Variants in TENM3 observed in about 807,000 individuals in gnomAD.
TENM3 encodes teneurin transmembrane protein 3.
Under a neutral mutation model 255.1 loss-of-function variants are expected in TENM3, and 63 were observed. That is an observed-to-expected ratio of 0.25 (90% confidence interval 0.20 to 0.30). TENM3 has a LOEUF of 0.30. Among genes scored for constraint, TENM3 ranks in the 10% least tolerant of loss-of-function variants. The pLI is 1.00. For missense variants in TENM3, 2,929 were observed against 3,461.1 expected (o/e 0.85, Z 3.86); for synonymous variants, 1,306 against 1,322.3 (o/e 0.99, Z 0.27).
intron 1 of TENM3, among the ~76,000 whole-genome samples, chr4:182,198,084 G>A (rs562284905): frequency 2.0e-5 from 3 of 151,832 alleles, no homozygotes; most frequent in Non-Finnish European, 4.4e-5. Flanking sequence ...CAGCCTGGGC[G>A]ACAGAGTGAG....
intron 1 of TENM3, among the ~76,000 whole-genome samples, chr4:182,234,302 C>G (rs1756761342): frequency 6.6e-6 from 1 of 152,156 alleles, no homozygotes; most frequent in African/African-American, 2.4e-5. Flanking sequence ...ACGGTTCTCT[C>G]CTTAATCACG....
At chr4:181,506,701 G>T in the TENM3 span, among the ~76,000 whole-genome samples, 1 of 151,716 alleles carries the variant, frequency 6.6e-6, no homozygotes, top group Non-Finnish European at 1.5e-5. Context: ...CCATGATGAG[G>T]ACAACTCTAA....
chr4:181,526,498 CAGGAGT>C, the TENM3 span, among the ~76,000 whole-genome samples: 3 of 152,132 alleles, frequency 2.0e-5, no homozygotes, highest in African/African-American at 7.2e-5. Context: ...CTCAGCCAAA[CAGGAGT>C]AGGAGTAGGT....
At chr4:182,717,659 G>C (rs1022128382) in intron 13 of TENM3, among the ~76,000 whole-genome samples, 1 of 152,196 alleles carries the variant, frequency 6.6e-6, no homozygotes, top group Non-Finnish European at 1.5e-5. Context: ...CACTGGACCA[G>C]ATAATTGTGG....
intron 22 of TENM3, among the ~76,000 whole-genome samples, chr4:182,760,051 G>A (rs1049302224): frequency 2.0e-5 from 3 of 152,012 alleles, no homozygotes; most frequent in Non-Finnish European, 4.4e-5. Context: ...TATTCATTAC[G>A]GACTGAGTAA....
chr4:182,280,036 T>G (rs148077848), intron 1 of TENM3, among the ~76,000 whole-genome samples: 1 of 152,252 alleles, frequency 6.6e-6, no homozygotes, highest in Non-Finnish European at 1.5e-5. Flanking sequence ...TGGGTAGAAT[T>G]TTTCCTGAAC....
In TENM3 at chr4:182,229,196, A is replaced by AT. The variant is rs373870011; in HGVS notation, c.-76+84450dup. Among the ~76,000 whole-genome samples, 1,021 of 151,932 alleles carry AT rather than the reference A, an allele frequency of 6.7e-3. 6 individuals are homozygous for AT. Among genetic ancestry groups the AT allele is most frequent in the African/African-American group, 0.023 (968 of 41,428 alleles). ...TCATTTCAGCTTTAACCTACTTACT[A>AT]TTTTTTTTCTTTTCAGTAAACAAAT... On this transcript the variant is annotated intron_variant, in intron 1 of 2. Coordinates refer to the TENM3 transcript ENST00000512480.
At chr4:181,772,869 G>A in the TENM3 span, among the ~76,000 whole-genome samples, 1 of 152,122 alleles carries the variant, frequency 6.6e-6, no homozygotes, top group Non-Finnish European at 1.5e-5. Context: ...AGGTCACCTA[G>A]AACTACACTT....
chr4:181,796,053 A>C, the TENM3 span, among the ~76,000 whole-genome samples: 2 of 152,230 alleles, frequency 1.3e-5, no homozygotes, highest in African/African-American at 4.8e-5. Context: ...GATATGGGCT[A>C]CAGAATAAAC....
intron 3 of TENM3, among the ~76,000 whole-genome samples, chr4:182,512,080 G>A (rs1737462161): frequency 6.6e-6 from 1 of 152,144 alleles, no homozygotes; most frequent in Non-Finnish European, 1.5e-5. Flanking sequence ...CATCTCCTGG[G>A]ATAGTGAAAG....
At chr4:182,266,555 T>C (rs1306250407) in intron 1 of TENM3, among the ~76,000 whole-genome samples, 1 of 152,176 alleles carries the variant, frequency 6.6e-6, no homozygotes, top group African/African-American at 2.4e-5. Flanking sequence ...TATAAGAATC[T>C]TACCTTATGG....
chr4:181,565,151 G>C, the TENM3 span, among the ~76,000 whole-genome samples: 1 of 152,118 alleles, frequency 6.6e-6, no homozygotes, highest in African/African-American at 2.4e-5. Context: ...GTTGATTTTT[G>C]TTACAGTCAA....
At chr4:182,588,260 C>T (rs1746244916) in intron 3 of TENM3, among the ~76,000 whole-genome samples, 1 of 152,094 alleles carries the variant, frequency 6.6e-6, no homozygotes, top group Non-Finnish European at 1.5e-5. Context: ...AGTCCTGTGT[C>T]TCCTGTTTCC....
At chr4:182,268,348 A>C (rs1759376744) in intron 1 of TENM3, among the ~76,000 whole-genome samples, 1 of 152,126 alleles carries the variant, frequency 6.6e-6, no homozygotes, top group South Asian at 2.1e-4. Flanking sequence ...AATGTAAAAG[A>C]CCCTCATACT....
chr4:182,765,711 C>T (rs1763660446), intron 22 of TENM3, among the ~76,000 whole-genome samples: 1 of 152,140 alleles, frequency 6.6e-6, no homozygotes, highest in South Asian at 2.1e-4. Flanking sequence ...TCGCTTACTC[C>T]TAACTGCATG....
chr4:181,720,228 G>A, the TENM3 span, among the ~76,000 whole-genome samples: 1 of 152,006 alleles, frequency 6.6e-6, no homozygotes, highest in Admixed American at 6.6e-5. Context: ...AGTTTCCATG[G>A]CATTATTTTG....
At chr4:182,158,409 CTG>C (rs143299980) in intron 1 of TENM3, among the ~76,000 whole-genome samples, 4,319 of 152,228 alleles carry the variant, frequency 0.028, 218 homozygotes, top group African/African-American at 0.099. Context: ...ATTTGGGAGA[CTG>C]TGAATGAGCA....
chr4:182,314,730 T>G (rs1762652833), intron 1 of TENM3, among the ~76,000 whole-genome samples: 1 of 152,256 alleles, frequency 6.6e-6, no homozygotes, highest in Non-Finnish European at 1.5e-5. Flanking sequence ...TGAAAATCTC[T>G]GCATTTTGTG....
the TENM3 span, among the ~76,000 whole-genome samples, chr4:181,564,314 T>A: frequency 6.6e-6 from 1 of 152,172 alleles, no homozygotes; most frequent in African/African-American, 2.4e-5. Flanking sequence ...TATTCAGTGG[T>A]TACTAAACAC....
Sources: allele counts gnomAD v4.1 joint callset (sites outside exome capture counted in the v4.1 genomes callset), GRCh38; gene constraint gnomAD v4.1.1; transcripts MANE v1.5; gene names NCBI Gene and HGNC (gene_info 2026-07-23, HGNC 2026-07-21).